Variants in SEMA6D observed in about 807,000 individuals in gnomAD.
SEMA6D encodes semaphorin 6D, also known as semaphorin-6D.
SEMA6D carries 35 observed loss-of-function variants against 106.6 expected under a neutral mutation model. That is an observed-to-expected ratio of 0.33 (90% CI 0.25 to 0.44). The LOEUF is 0.44. Ranked by LOEUF, SEMA6D falls within the 20% of genes least tolerant of loss-of-function variation. The pLI is 1.00. For synonymous variants in SEMA6D, 499 were observed against 487.7 expected, an observed-to-expected ratio of 1.02 and a Z score of -0.31; for missense variants, 1,185 against 1,345.9, an observed-to-expected ratio of 0.88 and a Z score of 1.87.
intron 3 of SEMA6D, among the ~76,000 whole-genome samples, chr15:47,511,871 CTG>C (rs1414041991): frequency 6.6e-6 from 1 of 152,104 alleles, no homozygotes. Flanking sequence ...CCATTGCAGT[CTG>C]AAATGTGCAC....
chr15:47,424,870 G>T (rs772803554), intron 2 of SEMA6D, among the ~76,000 whole-genome samples: 1 of 152,110 alleles, frequency 6.6e-6, no homozygotes, highest in African/African-American at 2.4e-5. Context: ...AGGGCCAGTT[G>T]GTTGAGGCTT....
At chr15:47,462,351 A>C (rs1213393651) in intron 2 of SEMA6D, among the ~76,000 whole-genome samples, 3 of 152,156 alleles carry the variant, frequency 2.0e-5, no homozygotes, top group African/African-American at 7.2e-5. Flanking sequence ...AGTGCCTTAC[A>C]TAGCAGGCAA....
chr15:47,632,467 T>G (rs1272222941), intron 4 of SEMA6D, among the ~76,000 whole-genome samples: 1 of 148,910 alleles, frequency 6.7e-6, no homozygotes, highest in Non-Finnish European at 1.5e-5. Flanking sequence ...GGTTGGCTCA[T>G]GTGGTGTTTT....
intron 1 of SEMA6D, among the ~76,000 whole-genome samples, chr15:47,325,828 CA>C (rs1415251486): frequency 6.6e-6 from 1 of 152,094 alleles, no homozygotes; most frequent in Non-Finnish European, 1.5e-5. Context: ...TTGTTATTTT[CA>C]GGGCAACTTC....
intron 3 of SEMA6D, among the ~76,000 whole-genome samples, chr15:47,515,731 T>G (rs1043980731): frequency 6.6e-6 from 1 of 152,196 alleles, no homozygotes; most frequent in South Asian, 2.1e-4. Context: ...AGCATCTTCT[T>G]AAAATATGAT....
intron 1 of SEMA6D, among the ~76,000 whole-genome samples, chr15:47,260,644 C>G (rs1049806265): frequency 2.6e-5 from 4 of 152,220 alleles, no homozygotes; most frequent in Admixed American, 6.5e-5. Flanking sequence ...GGAGGGATCT[C>G]AGGCCCATGG....
At chr15:47,603,783 C>T (rs1201214661) in intron 4 of SEMA6D, 6 of 152,072 alleles carry the variant, frequency 3.9e-5, no homozygotes, top group Non-Finnish European at 8.8e-5. Context: ...AATGGTACTT[C>T]TAAAAACGCC....
chr15:47,489,017 T>A (rs1056410528), intron 3 of SEMA6D, among the ~76,000 whole-genome samples: 4 of 152,146 alleles, frequency 2.6e-5, no homozygotes, highest in African/African-American at 9.7e-5. Flanking sequence ...ATGAGCTTAT[T>A]TGGGGGGAAA....
chr15:47,385,399 A>G (rs2433018), intron 1 of SEMA6D, among the ~76,000 whole-genome samples: 71,741 of 151,972 alleles, frequency 0.47, 20,701 homozygotes, highest in African/African-American at 0.82. Flanking sequence ...CTGGGAACTG[A>G]GAGTACCGAA....
chr15:47,529,929 T>C (rs1232107151), intron 3 of SEMA6D, among the ~76,000 whole-genome samples: 1 of 152,238 alleles, frequency 6.6e-6, no homozygotes, highest in East Asian at 1.9e-4. Context: ...CATGTTCATG[T>C]TCATGTTCAT....
intron 4 of SEMA6D, among the ~76,000 whole-genome samples, chr15:47,640,840 GA>G (rs1263882015): frequency 5.3e-5 from 8 of 152,028 alleles, no homozygotes; most frequent in Admixed American, 1.3e-4. Flanking sequence ...AGTCTGGAAG[GA>G]AAGCTGAAAA....
intron 4 of SEMA6D, among the ~76,000 whole-genome samples, chr15:47,680,685 A>G (rs1566981313): frequency 6.6e-6 from 1 of 152,216 alleles, no homozygotes; most frequent in African/African-American, 2.4e-5. Context: ...TGTGTAAACC[A>G]TATATCTGAA....
chr15:47,664,319 A>G (rs777882645), intron 4 of SEMA6D, among the ~76,000 whole-genome samples: 1 of 152,196 alleles, frequency 6.6e-6, no homozygotes, highest in African/African-American at 2.4e-5. Flanking sequence ...TTCCTCACCT[A>G]TATAATAACT....
chr15:47,602,021 C>T (rs766447275), intron 4 of SEMA6D, among the ~76,000 whole-genome samples: 1 of 152,106 alleles, frequency 6.6e-6, no homozygotes, highest in African/African-American at 2.4e-5. Context: ...ACTATTGCTA[C>T]CCCCATATTG....
intron 3 of SEMA6D, among the ~76,000 whole-genome samples, chr15:47,539,066 A>G (rs2045272382): frequency 6.6e-6 from 1 of 152,204 alleles, no homozygotes; most frequent in African/African-American, 2.4e-5. Context: ...GAAATTGATA[A>G]CCACGCCTTT....
At chr15:47,303,213 A>T (rs1029181528) in intron 1 of SEMA6D, among the ~76,000 whole-genome samples, 1 of 152,226 alleles carries the variant, frequency 6.6e-6, no homozygotes, top group African/African-American at 2.4e-5. Context: ...AAAGTCTAAG[A>T]CAACTGGTGA....
At chr15:47,577,538 G>A (rs1279664154) in intron 3 of SEMA6D, among the ~76,000 whole-genome samples, 1 of 152,244 alleles carries the variant, frequency 6.6e-6, no homozygotes, top group Non-Finnish European at 1.5e-5. Flanking sequence ...TCTAATTCAA[G>A]AGAAGAGGCC....
At chr15:47,582,290 G>A (rs555784106) in intron 3 of SEMA6D, among the ~76,000 whole-genome samples, 1 of 152,332 alleles carries the variant, frequency 6.6e-6, no homozygotes, top group African/African-American at 2.4e-5. Context: ...CACGAGGCAT[G>A]AGAATCTCTT....
chr15:47,467,590 G>T (rs549310423), intron 2 of SEMA6D, among the ~76,000 whole-genome samples: 3 of 152,272 alleles, frequency 2.0e-5, no homozygotes, highest in African/African-American at 7.2e-5. Context: ...TGGAAAAAAA[G>T]CTGTTGAATT....
Sources: allele counts gnomAD v4.1 joint callset (sites outside exome capture counted in the v4.1 genomes callset), GRCh38; gene constraint gnomAD v4.1.1; transcripts MANE v1.5; gene names NCBI Gene and HGNC (gene_info 2026-07-23, HGNC 2026-07-21).